The following LARS1 variants were observed in gnomAD, a reference collection of about 807,000 sequenced individuals.
LARS1 encodes the protein leucyl-tRNA synthetase 1, also known as leucine--tRNA ligase, cytoplasmic.
Under a neutral mutation model 162.8 loss-of-function variants are expected in LARS1, and 100 were observed. The observed-to-expected ratio is 0.61, with a 90% CI of 0.52 to 0.73. The LOEUF (loss-of-function observed/expected upper bound fraction) is 0.73, where lower values mean the gene tolerates loss of function less well. Among genes scored for constraint, LARS1 ranks in the 30% least tolerant of loss-of-function variants. The pLI is 0.00. For synonymous variants in LARS1, 457 were observed against 462.8 expected (o/e 0.99, Z 0.16); for missense variants, 1,258 against 1,408.9 (o/e 0.89, Z 1.71).
chr5:146,169,360 A>C (rs1158511709), intron 4 of LARS1, among the ~76,000 whole-genome samples: 1 of 152,184 alleles, frequency 6.6e-6, no homozygotes, highest in Non-Finnish European at 1.5e-5. Flanking sequence ...TAAAGTTATG[A>C]GAAAAATAAG....
intron 4 of LARS1, 147 bp from the exon 5 acceptor site, chr5:146,168,412 C>A: frequency 1.3e-6 from 1 of 782,754 alleles, no homozygotes; most frequent in Non-Finnish European, 1.9e-6. Flanking sequence ...AAAACTGAAA[C>A]GGAGGCTGGG....
At chr5:146,115,790 G>A (rs1375088227) in intron 31 of LARS1, among the ~76,000 whole-genome samples, 2 of 152,114 alleles carry the variant, frequency 1.3e-5, no homozygotes, top group South Asian at 4.1e-4. Context: ...CATTCGAAGT[G>A]TAGCATGGCT....
At chr5:146,173,539 CTT>C (rs542049744) in intron 2 of LARS1, among the ~76,000 whole-genome samples, 10 of 135,174 alleles carry the variant, frequency 7.4e-5, no homozygotes, top group Admixed American at 1.5e-4. Flanking sequence ...TCCTTTAAAG[CTT>C]TTTTTTTTTT....
intron 22 of LARS1, among the ~76,000 whole-genome samples, chr5:146,133,391 G>C (rs1752372986): frequency 6.6e-6 from 1 of 152,030 alleles, no homozygotes; most frequent in Admixed American, 6.6e-5. Context: ...TGATAAAGTG[G>C]GGATAAAGAC....
chr5:146,157,370 G>T (rs372947031), intron 10 of LARS1, 33 bp downstream of exon 10: 1 of 1,549,228 alleles, frequency 6.5e-7, no homozygotes, highest in South Asian at 1.1e-5. Flanking sequence ...TGAAATTTAC[G>T]CATTAAAATA....
intron 1 of LARS1, among the ~76,000 whole-genome samples, chr5:146,178,204 T>C (rs1290702548): frequency 6.6e-6 from 1 of 152,210 alleles, no homozygotes; most frequent in Non-Finnish European, 1.5e-5. Flanking sequence ...TTTAAAATTA[T>C]ATACTACAAT....
chr5:146,149,549 C>A (rs1208649834), intron 15 of LARS1, 73 bp downstream of exon 15: 35 of 1,047,682 alleles, frequency 3.3e-5, no homozygotes, highest in Non-Finnish European at 5.2e-5. Flanking sequence ...CTGTAGAACT[C>A]ACTGCTAATA....
chr5:146,130,171 A>T lies in LARS1; in HGVS notation c.2488-13T>A. 6.2e-7 allele frequency: 1 copy of T among 1,610,960 alleles called. No homozygotes were observed. Among genetic ancestry groups the T allele is most frequent in the Non-Finnish European group, 8.5e-7 (1 of 1,178,782 alleles). ...TATCTTTTGCGGCCTATAAAATTTG[A>T]AATTATTTACCATTTCCCTCACCTT... On this transcript the variant is annotated splice_polypyrimidine_tract_variant and intron_variant, in intron 24 of 31. Coordinates refer to ENST00000394434, the MANE Select transcript of LARS1 (RefSeq NM_020117.11).
At position 146,130,902 on chromosome 5, in the gene LARS1, G is replaced by C. The variant is rs1416367595; in HGVS notation, c.2487+117C>G. Reference sequence around the variant, plus strand: ...GAAGAATTTAAAATTTTTCTGGCAGGATTTTCAGTCTACACTTTAGGCGAG... The same window carrying C: ...GAAGAATTTAAAATTTTTCTGGCAGCATTTTCAGTCTACACTTTAGGCGAG... On this transcript the variant is annotated intron_variant, in intron 24 of 31. Coordinates refer to ENST00000394434, the MANE Select transcript of LARS1 (RefSeq NM_020117.11). 1.6e-5 allele frequency: 8 copies of C among 500,406 alleles called. No individual in the cohort carries two copies. The East Asian group carries it at 2.6e-4, about 16-fold the overall frequency. 31.0% of individuals were successfully genotyped at this position (500,406 alleles called of 1,614,324 possible). A position where few individuals can be genotyped will look rare whatever the true frequency, so the allele number is the denominator to read the frequency against.
chr5:146,157,827 GA>G (rs761327554), intron 8 of LARS1, 32 bp from the exon 9 acceptor site: 10 of 1,596,292 alleles, frequency 6.3e-6, no homozygotes, highest in East Asian at 4.5e-5. Flanking sequence ...AAATTTGAAG[GA>G]AAAAAAAGAC....
chr5:146,163,973 G>C (rs1342832479), intron 6 of LARS1, among the ~76,000 whole-genome samples: 1 of 152,178 alleles, frequency 6.6e-6, no homozygotes, highest in African/African-American at 2.4e-5. Context: ...CAGTGGAGCA[G>C]TCAGAACACA....
chr5:146,130,041 G>C lies in LARS1; in HGVS notation c.2605C>G (p.His869Asp). 6.2e-7 allele frequency: 1 copy of C among 1,613,320 alleles called. No homozygotes were observed. The highest frequency in any genetic ancestry group is 1.3e-5 in the African/African-American group (1 of 74,978). Residue 869 changes from histidine to aspartate, a missense_variant, in exon 25 of 32, where the codon CAC becomes GAC. Coordinates refer to ENST00000394434, the MANE Select transcript of LARS1 (RefSeq NM_020117.11). ...ACCTTTCCCAGGAGTGTCCAGATGT[G>C]CTCACACAAATGTGGACAGAATGGA... ...LAPFCPHLCE[H>D]IWTLLGKPDS...
chr5:146,154,043 C>T, intron 10 of LARS1, 63 bp from the exon 11 acceptor site: 1 of 1,170,180 alleles, frequency 8.5e-7, no homozygotes, highest in Non-Finnish European at 1.2e-6. Context: ...AGAATTAAAA[C>T]TATGTTAATA....
chr5:146,161,393 G>A (rs1225359959), intron 6 of LARS1, among the ~76,000 whole-genome samples: 1 of 152,112 alleles, frequency 6.6e-6, no homozygotes, highest in African/African-American at 2.4e-5. Context: ...TCTGTAGCAT[G>A]CGATGCTGTC....
At chr5:146,127,500 A>C (rs547879256) in intron 27 of LARS1, among the ~76,000 whole-genome samples, 35 of 152,096 alleles carry the variant, frequency 2.3e-4, no homozygotes, top group Non-Finnish European at 5.1e-4. Context: ...TTATCTAGCA[A>C]ATGAATAGTA....
In LARS1 at chr5:146,144,701, T is replaced by G; in HGVS notation, c.1512A>C (p.Ala504=). ...GTTTCTCTGGTTCCATGTAAATAAG[T>G]GCATCTCCCTAAAGGAAGGTAAATA... ...IQKKMIDAGD[A]LIYMEPEKQV... The change falls in exon 16 of 32, where the codon GCA becomes GCC. Residue 504 remains alanine (A), a synonymous_variant. Transcript: ENST00000394434. 3 of 1,613,516 alleles carry G rather than the reference T, an allele frequency of 1.9e-6. No individual in the cohort carries two copies. Among genetic ancestry groups the G allele is most frequent in the Non-Finnish European group, 2.5e-6 (3 of 1,179,560 alleles).
At chr5:146,118,135 T>A (rs575099007) in intron 31 of LARS1, among the ~76,000 whole-genome samples, 5 of 152,174 alleles carry the variant, frequency 3.3e-5, no homozygotes, top group African/African-American at 9.6e-5. Flanking sequence ...CATCAACGGA[T>A]GAATGAAAAG....
chr5:146,122,410 TA>T (rs775043254), intron 30 of LARS1, 81 bp downstream of exon 30: 92 of 765,600 alleles, frequency 1.2e-4, no homozygotes, highest in Non-Finnish European at 1.9e-4. Context: ...TTCTATTTTT[TA>T]AATGTGGGTT....
intron 12 of LARS1, among the ~76,000 whole-genome samples, chr5:146,153,527 T>C (rs1378097427): frequency 6.7e-6 from 1 of 148,866 alleles, no homozygotes; most frequent in African/African-American, 2.5e-5. Context: ...TCAATGAAAA[T>C]GTGAATATCA....
Sources: allele counts gnomAD v4.1 joint callset (sites outside exome capture counted in the v4.1 genomes callset), GRCh38; gene constraint gnomAD v4.1.1; transcripts MANE v1.5; gene names NCBI Gene and HGNC (gene_info 2026-07-23, HGNC 2026-07-21).